The following PDSS1 variants were observed in gnomAD, a reference collection of about 807,000 sequenced individuals.
PDSS1 encodes the protein decaprenyl diphosphate synthase subunit 1, also known as all trans-polyprenyl-diphosphate synthase PDSS1.
Under a neutral mutation model 57.5 loss-of-function variants are expected in PDSS1, and 43 were observed. The observed-to-expected ratio is 0.75, with a 90% CI of 0.59 to 0.96. The LOEUF (loss-of-function observed/expected upper bound fraction) is 0.96, where lower values mean the gene tolerates loss of function less well. Ranked by LOEUF, PDSS1 falls within the 50% of genes least tolerant of loss-of-function variation. The pLI is 0.00. For synonymous variants in PDSS1, 175 were observed against 191.3 expected, an observed-to-expected ratio of 0.91 and a Z score of 0.70; for missense variants, 438 against 527.8, an observed-to-expected ratio of 0.83 and a Z score of 1.67.
Position 26,735,520 on chromosome 10 carries a change from A to G in PDSS1, c.967A>G (p.Thr323Ala), listed in dbSNP as rs780896171. The G allele has an allele frequency of 1.7e-5, 28 of 1,614,064 alleles. No homozygotes were observed. The highest frequency in any genetic ancestry group is 2.2e-5 in the East Asian group (1 of 44,884). ...TSCSDQMGKPTSADLKLGLAT... is the reference protein window; with the variant it reads ...TSCSDQMGKPASADLKLGLAT... ...GTGTTCTGACCAGATGGGCAAACCAACATCAGCTGATCTGAAGCTCGGGTT... is the reference window on the plus strand; with the variant it reads ...GTGTTCTGACCAGATGGGCAAACCAGCATCAGCTGATCTGAAGCTCGGGTT... The change falls in exon 10 of 12, where the codon ACA becomes GCA. Residue 323 changes from threonine (T) to alanine (A), a missense_variant. Around this residue, in one of 2 missense-constraint regions of PDSS1, gnomAD observed 284 missense variants for 390.7 expected, o/e 0.73. Transcript: ENST00000376215.
chr10:26,714,782 T>G (rs1447609461), intron 5 of PDSS1: 1 of 152,244 alleles, frequency 6.6e-6, no homozygotes, highest in East Asian at 1.9e-4. Context: ...GGCATTGGAT[T>G]ACATTAGTCC....
chr10:26,722,887 C>T (rs1457714770), intron 6 of PDSS1, among the ~76,000 whole-genome samples: 1 of 148,758 alleles, frequency 6.7e-6, no homozygotes, highest in East Asian at 2.0e-4. Context: ...GCTTAGTGTT[C>T]AATGGAAAAA....
chr10:26,734,347 A>G (rs1357969654), intron 8 of PDSS1, among the ~76,000 whole-genome samples: 1 of 152,188 alleles, frequency 6.6e-6, no homozygotes, highest in African/African-American at 2.4e-5. Flanking sequence ...TCTCATGGAG[A>G]GTCAACAGAG....
chr10:26,716,504 C>T (rs1265742818), intron 5 of PDSS1, among the ~76,000 whole-genome samples: 5 of 152,030 alleles, frequency 3.3e-5, no homozygotes, highest in Non-Finnish European at 7.4e-5. Context: ...CCAGCCTTGC[C>T]AACATGGCAA....
intron 6 of PDSS1, among the ~76,000 whole-genome samples, chr10:26,721,060 C>T (rs1398854125): frequency 1.3e-5 from 2 of 152,122 alleles, no homozygotes; most frequent in African/African-American, 2.4e-5. Context: ...AATCCCAGCA[C>T]TTTGGGAGGC....
In PDSS1 at chr10:26,697,761, C is replaced by T; in HGVS notation, c.50C>T (p.Ala17Val). 2.3e-6 allele frequency: 3 copies of T among 1,290,128 alleles called. No individual in the cohort carries two copies. Among genetic ancestry groups the T allele is most frequent in the Non-Finnish European group, 2.9e-6 (3 of 1,024,398 alleles). The allele number at this position is 1,290,128 out of a possible 1,614,324, so 79.9% of individuals were successfully genotyped here. The change falls in exon 1 of 12, where the codon GCG (alanine) becomes GTG (valine). Residue 17 changes from alanine (A) to valine (V), a missense_variant. Physicochemically the swap from Ala to Val is moderately conservative, Grantham distance 64. This residue lies in a region of PDSS1 where 154 missense variants were observed against 137.0 expected (regional missense o/e 1.12). Coordinates refer to ENST00000376215, the MANE Select transcript of PDSS1 (RefSeq NM_014317.5). ...RWRRGCSWKP[A>V]ARSPGPGSPG... ...CGGCGCGGCTGCTCCTGGAAGCCGG[C>T]GGCGCGGAGCCCCGGGCCCGGCTCC...
At chr10:26,706,973 C>T (rs947727847) in intron 4 of PDSS1, among the ~76,000 whole-genome samples, 2 of 150,944 alleles carry the variant, frequency 1.3e-5, no homozygotes, top group Admixed American at 1.3e-4. Context: ...AAGTAAAGTA[C>T]ACTTGTAAGA....
chr10:26,743,150 A>G (rs2132321612), intron 11 of PDSS1, among the ~76,000 whole-genome samples: 1 of 152,368 alleles, frequency 6.6e-6, no homozygotes, highest in East Asian at 1.9e-4. Context: ...ATTTAACCCC[A>G]TTCAGGGGCT....
chr10:26,713,030 C>T lies in PDSS1; in HGVS notation c.467+3262C>T, dbSNP rs17530464. On this transcript the variant is annotated intron_variant, in intron 5 of 11. Transcript: ENST00000376215. ...GATTTTTGCTGGGCACAGTGGCTCA[C>T]GCCTGTAATCCCAGCACTTTGGGAG... 8.9e-4 allele frequency among the ~76,000 whole-genome samples: 85 copies of T among 95,512 alleles called. 29 individuals carry two copies. In the Middle Eastern group the frequency reaches 0.024, roughly 27 times the overall value. The allele number at this position is 95,512 out of a possible 152,430, so 62.7% of individuals were successfully genotyped here.
At chr10:26,742,416 G>A in intron 10 of PDSS1, 81 bp from the exon 11 acceptor site, 1 of 992,694 alleles carries the variant, frequency 1.0e-6, no homozygotes, top group Non-Finnish European at 1.6e-6. Context: ...ATTTCCTATT[G>A]TTACAAACTA....
chr10:26,740,074 G>A (rs1006971066), intron 10 of PDSS1, among the ~76,000 whole-genome samples: 7 of 151,298 alleles, frequency 4.6e-5, no homozygotes, highest in East Asian at 3.9e-4. Context: ...CCCGGGAGGC[G>A]GAGGTTGCAG....
At chr10:26,718,287 C>T (rs1216936358) in intron 5 of PDSS1, among the ~76,000 whole-genome samples, 1 of 152,050 alleles carries the variant, frequency 6.6e-6, no homozygotes, top group African/African-American at 2.4e-5. Flanking sequence ...AAGTGATCCG[C>T]CCGCCTCAGC....
intron 4 of PDSS1, among the ~76,000 whole-genome samples, chr10:26,708,994 C>T (rs1317234064): frequency 6.6e-6 from 1 of 152,158 alleles, no homozygotes; most frequent in Non-Finnish European, 1.5e-5. Flanking sequence ...CTTTCGCTGT[C>T]CGGCTGTCAA....
chr10:26,707,220 A>G (rs1261360257), intron 4 of PDSS1, among the ~76,000 whole-genome samples: 1 of 152,104 alleles, frequency 6.6e-6, no homozygotes, highest in African/African-American at 2.4e-5. Flanking sequence ...CAGTTTTCCT[A>G]GAAGGACATA....
At chr10:26,740,607 A>G (rs1039734836) in intron 10 of PDSS1, 1 of 456,718 alleles carries the variant, frequency 2.2e-6, no homozygotes, top group Admixed American at 2.3e-5. Context: ...TACTAATACC[A>G]TGGTCATGGT....
chr10:26,697,895 A>C lies in PDSS1; in HGVS notation c.129+55A>C, dbSNP rs1405317909. 2.4e-6 allele frequency: 3 copies of C among 1,237,814 alleles called. No individual in the cohort carries two copies. The East Asian group carries it at 1.0e-4, about 42-fold the overall frequency. The allele number at this position is 1,237,814 out of a possible 1,614,324, so 76.7% of individuals were successfully genotyped here. A position where few individuals can be genotyped will look rare whatever the true frequency, so the allele number is the denominator to read the frequency against. On this transcript the variant is annotated intron_variant, in intron 1 of 11. Transcript: ENST00000376215. The stretch of plus-strand genomic sequence containing the variant: ...GCTCAGAGGTCACGGCTCCAATGAC[A>C]GCAGTGGGCGGAATGAATGGGAGCG...
chr10:26,746,797 AATGGTTTGTCT>A (rs1416830233), exon 12 of PDSS1: 15 of 404,186 alleles, frequency 3.7e-5, no homozygotes, highest in African/African-American at 3.0e-4. Flanking sequence ...TTAAAATTCA[AATGGTTTGTCT>A]TGATTTACCG....
chr10:26,717,592 T>C (rs1184896458), intron 5 of PDSS1: 1 of 152,212 alleles, frequency 6.6e-6, no homozygotes, highest in Non-Finnish European at 1.5e-5. Context: ...TTAAGAAATC[T>C]TTGTTGTAAT....
At position 26,724,131 on chromosome 10, in the gene PDSS1, C is replaced by T. The variant is rs1588691160; in HGVS notation, c.831+8C>T. 1.9e-6 allele frequency: 3 copies of T among 1,566,042 alleles called. No individual in the cohort carries two copies. The highest frequency in any genetic ancestry group is 1.1e-5 in the South Asian group (1 of 90,124). On this transcript the variant is annotated splice_region_variant and intron_variant, in intron 8 of 11. Transcript: ENST00000376215. ...GCCAACAGTTGTAAAGCAGTATGTA[C>T]GTTCTGTCTTTCTTCAAGTTAAAGC... is the stretch of plus-strand genomic sequence containing the variant.
Sources: allele counts gnomAD v4.1 joint callset (sites outside exome capture counted in the v4.1 genomes callset), GRCh38; gene constraint gnomAD v4.1.1; regional missense constraint gnomAD v4.1.1; transcripts MANE v1.5; gene names NCBI Gene and HGNC (gene_info 2026-07-23, HGNC 2026-07-21).